Variants in BCL9 observed in about 807,000 individuals in gnomAD.
BCL9 encodes BCL9 transcription coactivator, also known as B-cell CLL/lymphoma 9 protein.
Under a neutral mutation model 88.5 loss-of-function variants are expected in BCL9, and 25 were observed. The ratio of observed to expected loss-of-function variants is 0.28; its 90% CI spans 0.21 to 0.39. The LOEUF is 0.39. Among genes scored for constraint, BCL9 ranks in the 10% least tolerant of loss-of-function variants. The pLI is 1.00. For synonymous variants in BCL9, 711 were observed against 673.3 expected, an observed-to-expected ratio of 1.06 and a Z score of -0.87; for missense variants, 1,817 against 1,877.8, an observed-to-expected ratio of 0.97 and a Z score of 0.60.
chr1:147,589,358 C>G lies in BCL9; in HGVS notation c.-477-15419C>G, dbSNP rs114259974. Among the ~76,000 whole-genome samples, 57 of 152,228 alleles carry G rather than the reference C, an allele frequency of 3.7e-4. 1 individual carries two copies. Among genetic ancestry groups the G allele is most frequent in the African/African-American group, 1.3e-3 (56 of 41,524 alleles). On this transcript the variant is annotated intron_variant, in intron 1 of 9. Coordinates refer to ENST00000234739, the MANE Select transcript of BCL9 (RefSeq NM_004326.4). ...GCTTTATTGAGGTATAATTTACAAACCATAAAATTTACCCATTTTAAGTGT... is the reference window on the plus strand; with the variant it reads ...GCTTTATTGAGGTATAATTTACAAAGCATAAAATTTACCCATTTTAAGTGT...
chr1:147,577,094 T>G (rs1656144573), intron 1 of BCL9, among the ~76,000 whole-genome samples: 1 of 152,112 alleles, frequency 6.6e-6, no homozygotes. Context: ...TCAGAAGTGA[T>G]CGAACCAAGA....
chr1:147,593,070 T>G (rs1656913285), intron 1 of BCL9, among the ~76,000 whole-genome samples: 1 of 152,148 alleles, frequency 6.6e-6, no homozygotes, highest in Admixed American at 6.5e-5. Flanking sequence ...ATATTATCAT[T>G]ATTACCATCA....
intron 1 of BCL9, among the ~76,000 whole-genome samples, chr1:147,580,765 G>A (rs1196881466): frequency 1.3e-5 from 2 of 152,152 alleles, no homozygotes; most frequent in Non-Finnish European, 2.9e-5. Flanking sequence ...CCTTGTGCCT[G>A]TTTTGACTTA....
chr1:147,561,274 C>T (rs1655364512), intron 1 of BCL9, among the ~76,000 whole-genome samples: 4 of 152,270 alleles, frequency 2.6e-5, no homozygotes, highest in Non-Finnish European at 4.4e-5. Context: ...CATAAACCTA[C>T]CACGGGGATT....
In BCL9 at chr1:147,619,901, A is replaced by T. The variant is rs1237295505; in HGVS notation, c.1746A>T (p.Ala582=). The change falls in exon 8 of 10, where the codon GCA becomes GCT. Residue 582 remains alanine (A), a synonymous_variant. Coordinates refer to ENST00000234739, the MANE Select transcript of BCL9 (RefSeq NM_004326.4). The surrounding 1 kb of genome is among the most constrained non-coding windows in gnomAD (Gnocchi z 4.1). ...EMEGPNVPNP[A]SRPGLSGVSW... ...AAGGGCCGAATGTCCCCAACCCTGC[A>T]TCTAGACCAGGTCTTTCTGGAGTCA... The T allele has an allele frequency of 1.2e-6, 2 of 1,614,210 alleles. No individual in the cohort carries two copies. Among genetic ancestry groups the T allele is most frequent in the Non-Finnish European group, 8.5e-7 (1 of 1,180,036 alleles).
chr1:147,622,127 T>G, intron 8 of BCL9, 144 bp from the exon 9 acceptor site: 2 of 1,175,402 alleles, frequency 1.7e-6, no homozygotes, highest in Non-Finnish European at 2.4e-6. Context: ...ACTAGAAGAT[T>G]GATGATTTGT....
At chr1:147,554,748 T>G (rs1389602849) in intron 1 of BCL9, among the ~76,000 whole-genome samples, 1 of 152,186 alleles carries the variant, frequency 6.6e-6, no homozygotes, top group African/African-American at 2.4e-5. Flanking sequence ...GAGACCTAGT[T>G]TCTACATGGG....
At position 147,573,179 on chromosome 1, in the gene BCL9, G is replaced by C. The variant is rs782604267; in HGVS notation, c.-478+31505G>C. Among the ~76,000 whole-genome samples the C allele has an allele frequency of 5.3e-5, 8 of 152,108 alleles. No homozygotes were observed. In the South Asian group the frequency reaches 1.7e-3, roughly 32 times the overall value. ...TAAAAACAAGGTTGAGGCCGGGAGCGGTGGCTCACTCCTATAATCCCAGCA... is the reference window on the plus strand; with the variant it reads ...TAAAAACAAGGTTGAGGCCGGGAGCCGTGGCTCACTCCTATAATCCCAGCA... On this transcript the variant is annotated intron_variant, in intron 1 of 9. Coordinates refer to ENST00000234739, the MANE Select transcript of BCL9 (RefSeq NM_004326.4).
intron 1 of BCL9, among the ~76,000 whole-genome samples, chr1:147,542,132 G>C (rs1156282704): frequency 1.6e-4 from 24 of 152,322 alleles, no homozygotes; most frequent in African/African-American, 5.8e-4. Context: ...ATCGAGCTTT[G>C]TGTGTGCCAG....
rs1286984062 is a variant in BCL9, at chr1:147,626,074, G to GTT, written c.*1117_*1118dup. Reference sequence around the variant, plus strand: ...AAAAGCTATCCAGGATTTTGTTTCTGTTTGTTTTAAATTTTGTGGTTCCTT... The same window carrying GTT: ...AAAAGCTATCCAGGATTTTGTTTCTGTTTTTGTTTTAAATTTTGTGGTTCCTT... On this transcript the variant is annotated 3_prime_UTR_variant, in exon 10 of 10. Transcript: ENST00000234739. 1 of 222,146 alleles carries GTT rather than the reference G, an allele frequency of 4.5e-6. No individual in the cohort carries two copies. The highest frequency in any genetic ancestry group is 9.0e-6 in the Non-Finnish European group (1 of 110,894). 13.8% of individuals were successfully genotyped at this position (222,146 alleles called of 1,614,324 possible).
chr1:147,613,235 T>A, intron 5 of BCL9, 36 bp downstream of exon 5: 1 of 1,610,150 alleles, frequency 6.2e-7, no homozygotes, highest in Non-Finnish European at 8.5e-7. Flanking sequence ...CAGAGGGAAG[T>A]AGGTGTTCCT....
At chr1:147,618,068 T>G (rs1234145556) in intron 7 of BCL9, among the ~76,000 whole-genome samples, 4 of 152,230 alleles carry the variant, frequency 2.6e-5, no homozygotes, top group Non-Finnish European at 5.9e-5. Flanking sequence ...TACTGCCTAT[T>G]GGAAAGAACA....
chr1:147,587,780 G>GTA (rs1405833637), intron 1 of BCL9, among the ~76,000 whole-genome samples: 1 of 151,810 alleles, frequency 6.6e-6, no homozygotes, highest in Non-Finnish European at 1.5e-5. Context: ...GTGTGTGTGT[G>GTA]TGTGTGTGTG....
chr1:147,620,841 C>G lies in BCL9; in HGVS notation c.2686C>G (p.Leu896Val). The G allele has an allele frequency of 6.2e-7, 1 of 1,614,166 alleles. No homozygotes were observed. The highest frequency in any genetic ancestry group is 8.5e-7 in the Non-Finnish European group (1 of 1,180,016). The change falls in exon 8 of 10, where the codon CTG becomes GTG. Residue 896 changes from leucine (L) to valine (V), a missense_variant. Coordinates refer to ENST00000234739, the MANE Select transcript of BCL9 (RefSeq NM_004326.4). ...PQTPSQLAGM[L>V]AGPAAAASIK... The stretch of plus-strand genomic sequence containing the variant: ...GACTCCATCGCAGCTGGCAGGCATG[C>G]TGGCGGGCCCAGCTGCTGCTGCTTC...
chr1:147,583,460 T>G (rs1366894686), intron 1 of BCL9, among the ~76,000 whole-genome samples: 1 of 151,490 alleles, frequency 6.6e-6, no homozygotes, highest in Non-Finnish European at 1.5e-5. Context: ...GTATTTTTAG[T>G]AGAGACGGGG....
intron 1 of BCL9, among the ~76,000 whole-genome samples, chr1:147,577,474 C>A (rs1288981364): frequency 2.0e-5 from 3 of 152,134 alleles, no homozygotes; most frequent in African/African-American, 4.8e-5. Context: ...TGGAATGTGT[C>A]TTTGGCAAAC....
At chr1:147,586,077 G>A (rs1202425623) in intron 1 of BCL9, among the ~76,000 whole-genome samples, 6 of 152,038 alleles carry the variant, frequency 3.9e-5, no homozygotes, top group Admixed American at 1.3e-4. Context: ...TCTGTGCTTG[G>A]CACTTTATCT....
intron 1 of BCL9, among the ~76,000 whole-genome samples, chr1:147,562,262 G>C (rs1553196197): frequency 6.6e-6 from 1 of 152,164 alleles, no homozygotes. Context: ...TCAGGAGGCA[G>C]AGATTGCGGT....
At chr1:147,545,294 T>C (rs1206931516) in intron 1 of BCL9, among the ~76,000 whole-genome samples, 1 of 152,214 alleles carries the variant, frequency 6.6e-6, no homozygotes, top group African/African-American at 2.4e-5. Flanking sequence ...CGGTATGCAC[T>C]TCATTTGCAA....
Sources: gnomAD v4.1 joint callset for allele counts (sites outside exome capture counted in the v4.1 genomes callset) on GRCh38, gnomAD v4.1.1 for gene constraint, Gnocchi (gnomAD v3.1) non-coding constraint, MANE v1.5 for transcripts, NCBI Gene and HGNC (gene_info 2026-07-23, HGNC 2026-07-21) for gene names.